ANKRD55: variants seen among roughly 807,000 people sequenced by gnomAD.
ANKRD55 encodes ankyrin repeat domain-containing protein 55.
Under a neutral mutation model 60.6 loss-of-function variants are expected in ANKRD55, and 41 were observed. The observed-to-expected ratio is 0.68, with a 90% CI of 0.53 to 0.88. The LOEUF (loss-of-function observed/expected upper bound fraction) is 0.88. ANKRD55 is among the 40% of genes least tolerant of loss of function. The probability of loss-of-function intolerance (pLI) is 0.00; values close to 1 mark genes in which losing one functional copy is unlikely to be tolerated. For missense variants in ANKRD55, 732 were observed against 767.6 expected, an observed-to-expected ratio of 0.95 and a Z score of 0.55; for synonymous variants, 264 against 290.3, an observed-to-expected ratio of 0.91 and a Z score of 0.92.
At chr5:56,169,745 GAC>G (rs534211863) in intron 5 of ANKRD55, among the ~76,000 whole-genome samples, 8 of 152,146 alleles carry the variant, frequency 5.3e-5, no homozygotes, top group Non-Finnish European at 1.0e-4. Context: ...TTTAGTTCTG[GAC>G]ACAGAGTTGA....
intron 5 of ANKRD55, among the ~76,000 whole-genome samples, chr5:56,162,314 T>G (rs1305550198): frequency 1.3e-5 from 2 of 152,214 alleles, no homozygotes; most frequent in Non-Finnish European, 2.9e-5. Flanking sequence ...AAAGCCATTC[T>G]CTTCTTTATA....
At chr5:56,223,682 G>A (rs1296804044) in intron 2 of ANKRD55, among the ~76,000 whole-genome samples, 1 of 152,100 alleles carries the variant, frequency 6.6e-6, no homozygotes, top group Admixed American at 6.5e-5. Flanking sequence ...AAAGGCAGGG[G>A]TTGCAATCCT....
intron 6 of ANKRD55, among the ~76,000 whole-genome samples, chr5:56,149,585 A>G (rs996815178): frequency 6.6e-5 from 10 of 152,372 alleles, no homozygotes; most frequent in East Asian, 3.9e-4. Context: ...TGTGAACTCC[A>G]TCATAGCAGG....
At chr5:56,226,657 C>A (rs1760117472) in intron 2 of ANKRD55, among the ~76,000 whole-genome samples, 1 of 152,068 alleles carries the variant, frequency 6.6e-6, no homozygotes, top group Admixed American at 6.6e-5. Context: ...ATCAAACAAC[C>A]CCATCAAAAA....
chr5:56,123,390 T>G (rs1757138425), intron 8 of ANKRD55, among the ~76,000 whole-genome samples: 1 of 152,140 alleles, frequency 6.6e-6, no homozygotes, highest in Non-Finnish European at 1.5e-5. Flanking sequence ...ATTAAACACC[T>G]TTTTCCTGTT....
At chr5:56,173,582 C>CTCTCTATATATATA (rs1484157730) in intron 4 of ANKRD55, among the ~76,000 whole-genome samples, 4 of 45,242 alleles carry the variant, frequency 8.8e-5, no homozygotes, top group African/African-American at 1.7e-4. Flanking sequence ...CTCTCTCTCT[C>CTCTCTATATATATA]TATATATATA....
At chr5:56,149,009 C>T (rs535606179) in intron 6 of ANKRD55, among the ~76,000 whole-genome samples, 1 of 152,136 alleles carries the variant, frequency 6.6e-6, no homozygotes, top group East Asian at 1.9e-4. Flanking sequence ...TCACCCCCAA[C>T]AAAAGTGATA....
intron 7 of ANKRD55, among the ~76,000 whole-genome samples, chr5:56,129,593 AAAC>A (rs928741446): frequency 2.0e-4 from 30 of 152,286 alleles, no homozygotes; most frequent in African/African-American, 6.3e-4. Flanking sequence ...CAGATTGATA[AAAC>A]AACAACAACA....
At position 56,223,983 on chromosome 5, in the gene ANKRD55, G is replaced by A. The variant is rs538711062; in HGVS notation, c.58+8873C>T. On this transcript the variant is annotated intron_variant, in intron 2 of 11. Transcript: ENST00000341048. ...AATTGAACTCAGCTCTGCACCAAGC[G>A]GACCTAATAGACATCTACAGAACTC... Among the ~76,000 whole-genome samples the A allele has an allele frequency of 2.3e-3, 346 of 152,108 alleles. 3 individuals are homozygous for A. The highest frequency in any genetic ancestry group is 7.8e-3 in the African/African-American group (322 of 41,492).
intron 5 of ANKRD55, among the ~76,000 whole-genome samples, chr5:56,166,254 T>TTTCCTTCC (rs201171927): frequency 2.1e-5 from 3 of 145,376 alleles, no homozygotes; most frequent in Admixed American, 6.9e-5. Flanking sequence ...TCTCTCTTTC[T>TTTCCTTCC]TTCCTTCCTT....
At chr5:56,206,544 A>T (rs572643927) in intron 2 of ANKRD55, among the ~76,000 whole-genome samples, 1 of 152,158 alleles carries the variant, frequency 6.6e-6, no homozygotes, top group Non-Finnish European at 1.5e-5. Flanking sequence ...TGCATCATGC[A>T]ATGGAGGAGT....
intron 10 of ANKRD55, among the ~76,000 whole-genome samples, chr5:56,107,279 T>C (rs925366491): frequency 3.3e-5 from 5 of 152,144 alleles, no homozygotes; most frequent in Non-Finnish European, 7.3e-5. Flanking sequence ...TGGCTCCTAG[T>C]TATAATCAGC....
chr5:56,181,387 G>A (rs187228008), intron 3 of ANKRD55, among the ~76,000 whole-genome samples: 1 of 152,064 alleles, frequency 6.6e-6, no homozygotes, highest in East Asian at 1.9e-4. Flanking sequence ...AGAAGCTCTC[G>A]TCTATTCCTA....
At position 56,195,875 on chromosome 5, in the gene ANKRD55, A is replaced by G. The variant is rs142204026; in HGVS notation, c.59-12241T>C. On this transcript the variant is annotated intron_variant, in intron 2 of 11. Coordinates refer to ENST00000341048, the MANE Select transcript of ANKRD55 (RefSeq NM_024669.3). ...GCCCACATAGTGAAAACATGCACCA[A>G]TTTTTACCTATTATCATGGTAGTAT... Among the ~76,000 whole-genome samples, 672 of 152,310 alleles carry G rather than the reference A, an allele frequency of 4.4e-3. 6 individuals carry two copies. Among genetic ancestry groups the G allele is most frequent in the African/African-American group, 0.014 (584 of 41,566 alleles).
intron 10 of ANKRD55, among the ~76,000 whole-genome samples, chr5:56,106,405 G>A (rs113971146): frequency 6.9e-5 from 9 of 129,924 alleles, no homozygotes; most frequent in East Asian, 2.0e-4. Flanking sequence ...AATAAAATCC[G>A]TAAGGCTAGG....
intron 8 of ANKRD55, among the ~76,000 whole-genome samples, chr5:56,121,790 TG>T (rs1286725324): frequency 2.6e-5 from 4 of 152,194 alleles, no homozygotes; most frequent in African/African-American, 9.6e-5. Context: ...TCGAATAAAT[TG>T]GTACTTTTGT....
chr5:56,134,327 C>A lies in ANKRD55; in HGVS notation c.613-7221G>T, dbSNP rs533389893. Among the ~76,000 whole-genome samples the A allele has an allele frequency of 2.6e-3, 297 of 114,782 alleles. 60 individuals carry two copies. The highest frequency in any genetic ancestry group is 8.3e-3 in the African/African-American group (293 of 35,436). The allele number at this position is 114,782 out of a possible 152,430, so 75.3% of individuals were successfully genotyped here. A position where few individuals can be genotyped will look rare whatever the true frequency, so the allele number is the denominator to read the frequency against. On this transcript the variant is annotated intron_variant, in intron 7 of 11. Coordinates refer to ENST00000341048, the MANE Select transcript of ANKRD55 (RefSeq NM_024669.3). ...GTGCGGTGGCTTACGCCTGTTATCCCAGCACTTTGGGAGGCCGAGACAGGT... is the reference window on the plus strand; with the variant it reads ...GTGCGGTGGCTTACGCCTGTTATCCAAGCACTTTGGGAGGCCGAGACAGGT...
At chr5:56,229,726 T>C (rs917217456) in intron 2 of ANKRD55, among the ~76,000 whole-genome samples, 3 of 152,200 alleles carry the variant, frequency 2.0e-5, no homozygotes, top group African/African-American at 7.2e-5. Flanking sequence ...AAGGTCCTTC[T>C]GCATCATATT....
chr5:56,104,845 G>C (rs1756408053), intron 10 of ANKRD55, among the ~76,000 whole-genome samples: 1 of 152,070 alleles, frequency 6.6e-6, no homozygotes, highest in African/African-American at 2.4e-5. Flanking sequence ...GTAGTGCTGT[G>C]ATAGAGTTTG....
Sources: allele counts gnomAD v4.1 joint callset (sites outside exome capture counted in the v4.1 genomes callset), GRCh38; gene constraint gnomAD v4.1.1; transcripts MANE v1.5; gene names NCBI Gene and HGNC (gene_info 2026-07-23, HGNC 2026-07-21).